Variants in SF3B1 observed in about 807,000 individuals in gnomAD.
SF3B1 encodes the protein pre-mRNA processing 10.
In SF3B1, 12 loss-of-function variants were observed where a neutral mutation model predicts 153.8. That is an observed-to-expected ratio of 0.08 (90% CI 0.05 to 0.13). The LOEUF (loss-of-function observed/expected upper bound fraction) is 0.13, where lower values mean the gene tolerates loss of function less well. Among genes scored for constraint, SF3B1 ranks in the 10% least tolerant of loss-of-function variants. The pLI is 1.00. For synonymous variants in SF3B1, 498 were observed against 525.2 expected, an observed-to-expected ratio of 0.95 and a Z score of 0.71; for missense variants, 513 against 1,606.1, an observed-to-expected ratio of 0.32 and a Z score of 11.63.
chr2:197,425,956 T>C (rs988616530), intron 1 of SF3B1, among the ~76,000 whole-genome samples: 11 of 151,172 alleles, frequency 7.3e-5, no homozygotes, highest in Admixed American at 1.3e-4. Context: ...CCACGATTGC[T>C]GCCACTGCAC....
At chr2:197,415,718 A>G (rs1295665429) in intron 6 of SF3B1, among the ~76,000 whole-genome samples, 1 of 152,230 alleles carries the variant, frequency 6.6e-6, no homozygotes. Context: ...GTCTGCAAGT[A>G]TATTATTAAA....
At chr2:197,398,405 G>C (rs2084899985) in intron 21 of SF3B1, 56 bp downstream of exon 21, 3 of 1,599,574 alleles carry the variant, frequency 1.9e-6, no homozygotes, top group Non-Finnish European at 2.6e-6. Context: ...TGAATACAAA[G>C]TGGCCAAATT....
chr2:197,426,057 G>T (rs1195619736), intron 1 of SF3B1, among the ~76,000 whole-genome samples: 1 of 151,486 alleles, frequency 6.6e-6, no homozygotes, highest in African/African-American at 2.4e-5. Context: ...GAGTTTAGCA[G>T]CCCCAGTTGT....
chr2:197,430,100 C>T (rs1228258618), intron 1 of SF3B1, among the ~76,000 whole-genome samples: 2 of 152,074 alleles, frequency 1.3e-5, no homozygotes, highest in Non-Finnish European at 2.9e-5. Flanking sequence ...TCACAATGTA[C>T]TGTGAAATGA....
chr2:197,410,961 C>A (rs1277826434), intron 6 of SF3B1, among the ~76,000 whole-genome samples: 1 of 152,158 alleles, frequency 6.6e-6, no homozygotes, highest in Non-Finnish European at 1.5e-5. Context: ...TTTTTTGACA[C>A]AGGGTCTCAC....
At chr2:197,423,229 A>T (rs2085276778) in intron 2 of SF3B1, among the ~76,000 whole-genome samples, 1 of 152,072 alleles carries the variant, frequency 6.6e-6, no homozygotes. Flanking sequence ...TCTACTAAAA[A>T]TACAAAAATT....
intron 1 of SF3B1, among the ~76,000 whole-genome samples, chr2:197,432,719 T>C (rs1470230742): frequency 1.3e-5 from 2 of 151,946 alleles, no homozygotes; most frequent in Non-Finnish European, 2.9e-5. Flanking sequence ...ATACAAAAAT[T>C]AGTCGGGTGT....
chr2:197,407,137 AAT>A (rs2085003715), intron 9 of SF3B1, among the ~76,000 whole-genome samples: 1 of 152,122 alleles, frequency 6.6e-6, no homozygotes, highest in Non-Finnish European at 1.5e-5. Flanking sequence ...GTTAAAAATC[AAT>A]AGTCATTAAC....
At chr2:197,392,502 A>T (rs776012728) in intron 24 of SF3B1, 41 bp from the exon 25 acceptor site, 1 of 881,548 alleles carries the variant, frequency 1.1e-6, no homozygotes, top group Non-Finnish European at 1.7e-6. Flanking sequence ...ATTTTTAAGA[A>T]CATACATAAC....
chr2:197,433,984 C>G (rs563919204), intron 1 of SF3B1, among the ~76,000 whole-genome samples: 3 of 152,216 alleles, frequency 2.0e-5, no homozygotes, highest in African/African-American at 7.2e-5. Context: ...CATCTGGCCT[C>G]ATGAGAGAAT....
intron 1 of SF3B1, among the ~76,000 whole-genome samples, chr2:197,429,067 C>T (rs2085384108): frequency 6.6e-6 from 1 of 152,072 alleles, no homozygotes; most frequent in African/African-American, 2.4e-5. Context: ...AGACTTGAGG[C>T]AAAGAAACGT....
At chr2:197,416,171 G>C (rs1455336050) in intron 6 of SF3B1, among the ~76,000 whole-genome samples, 1 of 151,654 alleles carries the variant, frequency 6.6e-6, no homozygotes, top group Non-Finnish European at 1.5e-5. Flanking sequence ...CTGGCCAAGA[G>C]AAAGGAGTAG....
Position 197,420,476 on chromosome 2 carries a change from T to C in SF3B1, c.367A>G (p.Arg123Gly), listed in dbSNP as rs1179373486. Reference sequence around the variant, plus strand: ...TCTGGGGAAATTATCATGGTCCGCCTATGCTTTTTGTATTCATCTTCCCGG... The same window carrying C: ...TCTGGGGAAATTATCATGGTCCGCCCATGCTTTTTGTATTCATCTTCCCGG... ...ADREDEYKKH[R>G]RTMIISPERL... Residue 123 changes from arginine to glycine, a missense_variant, in exon 4 of 25, where the codon AGG becomes GGG. Physicochemically the swap from Arg to Gly is moderately radical, Grantham distance 125. Transcript: ENST00000335508. The C allele has an allele frequency of 6.2e-7, 1 of 1,613,628 alleles. No homozygotes were observed.
chr2:197,418,375 ATTCT>A (rs879871469), intron 5 of SF3B1, 130 bp downstream of exon 5: 31 of 579,066 alleles, frequency 5.4e-5, no homozygotes, highest in Non-Finnish European at 7.1e-5. Flanking sequence ...TGGGGGTAAG[ATTCT>A]TTCTCAGTTA....
chr2:197,413,804 GTT>G (rs2085106621), intron 6 of SF3B1, among the ~76,000 whole-genome samples: 1 of 150,654 alleles, frequency 6.6e-6, no homozygotes, highest in South Asian at 2.1e-4. Context: ...TGTTGTTCTT[GTT>G]TTGTTTTGTT....
At chr2:197,403,329 A>T (rs1292379558) in intron 12 of SF3B1, among the ~76,000 whole-genome samples, 1 of 152,232 alleles carries the variant, frequency 6.6e-6, no homozygotes, top group Non-Finnish European at 1.5e-5. Flanking sequence ...TCTTAATACT[A>T]ACTGGCGTTA....
intron 1 of SF3B1, among the ~76,000 whole-genome samples, chr2:197,426,059 C>A (rs2085331662): frequency 1.3e-5 from 2 of 151,166 alleles, no homozygotes; most frequent in Non-Finnish European, 1.5e-5. Context: ...GTTTAGCAGC[C>A]CCAGTTGTGA....
rs1347763078 is a variant in SF3B1, at chr2:197,392,886, C to T, written c.3756+86G>A. 6.4e-6 allele frequency: 5 copies of T among 780,852 alleles called. No individual in the cohort carries two copies. The Admixed American group carries it at 7.3e-5, about 11-fold the overall frequency. 48.4% of individuals were successfully genotyped at this position (780,852 alleles called of 1,614,324 possible). A position where few individuals can be genotyped will look rare whatever the true frequency, so the allele number is the denominator to read the frequency against. ...GCACATATATACCTATGTAACAAACCTGCACGTTCAGCACAAGTATCCCAG... is the reference window on the plus strand; with the variant it reads ...GCACATATATACCTATGTAACAAACTTGCACGTTCAGCACAAGTATCCCAG... On this transcript the variant is annotated intron_variant, in intron 24 of 24. Coordinates refer to ENST00000335508, the MANE Select transcript of SF3B1 (RefSeq NM_012433.4).
In SF3B1 at chr2:197,417,014, T is replaced by C. The variant is rs900365882; in HGVS notation, c.496-103A>G. The C allele has an allele frequency of 3.4e-5, 39 of 1,162,570 alleles. No homozygotes were observed. In the African/African-American group the frequency reaches 5.9e-4, roughly 17 times the overall value. The allele number at this position is 1,162,570 out of a possible 1,614,324, so 72.0% of individuals were successfully genotyped here. A position where few individuals can be genotyped will look rare whatever the true frequency, so the allele number is the denominator to read the frequency against. ...AACATCCTATTTTATACTTTGCTCATTCTCTTTTCTATGTACTGGTGATCT... is the reference window on the plus strand; with the variant it reads ...AACATCCTATTTTATACTTTGCTCACTCTCTTTTCTATGTACTGGTGATCT... On this transcript the variant is annotated intron_variant, in intron 5 of 24. Coordinates refer to ENST00000335508, the MANE Select transcript of SF3B1 (RefSeq NM_012433.4).
Sources: gnomAD v4.1 joint callset for allele counts (sites outside exome capture counted in the v4.1 genomes callset) on GRCh38, gnomAD v4.1.1 for gene constraint, MANE v1.5 for transcripts, NCBI Gene and HGNC (gene_info 2026-07-23, HGNC 2026-07-21) for gene names.